CD300C: variants seen among roughly 807,000 people sequenced by gnomAD.
The protein encoded by CD300C is CMRF35-like molecule 6.
Under a neutral mutation model 18.4 loss-of-function variants are expected in CD300C, and 11 were observed. The observed-to-expected ratio is 0.60, with a 90% CI of 0.38 to 0.99. The LOEUF (loss-of-function observed/expected upper bound fraction) is 0.99, where lower values mean the gene tolerates loss of function less well. Among genes scored for constraint, CD300C ranks in the 50% least tolerant of loss-of-function variants. CD300C has a pLI of 0.01. For missense variants in CD300C, 277 were observed against 287.4 expected (o/e 0.96, Z 0.26); for synonymous variants, 116 against 116.3 (o/e 1.00, Z 0.02).
downstream of CD300C, among the ~76,000 whole-genome samples, chr17:74,536,532 C>CAAAAAAAAAAAAAAAAAA (rs376317178): frequency 9.2e-6 from 1 of 109,212 alleles, no homozygotes. Flanking sequence ...GACTCCGTCT[C>CAAAAAAAAAAAAAAAAAA]AAAAAAAAAA....
At chr17:74,534,689 G>A in the CD300C span, among the ~76,000 whole-genome samples, 3 of 152,124 alleles carry the variant, frequency 2.0e-5, no homozygotes, top group African/African-American at 7.2e-5. Flanking sequence ...GTAACAGATC[G>A]TCTTCTCTGC....
In CD300C at chr17:74,542,817, G is replaced by C. The variant is rs1908600242; in HGVS notation, c.527+44C>G. 7.6e-6 allele frequency: 12 copies of C among 1,575,216 alleles called. No individual in the cohort carries two copies. The East Asian group carries it at 2.7e-4, about 35-fold the overall frequency. ...AGTCCCCTAAACATCACACGCAGTG[G>C]GGAGGCCGCCAGCGTGGCCCAGTCC... is the stretch of plus-strand genomic sequence containing the variant. On this transcript the variant is annotated intron_variant, in intron 3 of 3. Transcript: ENST00000330793.
Position 74,541,743 on chromosome 17 carries a change from G to A in CD300C, c.528-7C>T. 2 of 1,611,632 alleles carry A rather than the reference G, an allele frequency of 1.2e-6. No individual in the cohort carries two copies. Among genetic ancestry groups the A allele is most frequent in the South Asian group, 1.1e-5 (1 of 90,852 alleles). On this transcript the variant is annotated splice_polypyrimidine_tract_variant and splice_region_variant and intron_variant, in intron 3 of 3. Coordinates refer to ENST00000330793, the MANE Select transcript of CD300C (RefSeq NM_006678.5). ...GACATTGCTGAACAGGGAGCTGTGG[G>A]GACACGGTGACAGGCAGTGAGTCAC...
In CD300C at chr17:74,544,627, C is replaced by T. The variant is rs1200903037; in HGVS notation, c.382G>A (p.Glu128Lys). The T allele has an allele frequency of 6.2e-7, 1 of 1,612,294 alleles. No individual in the cohort carries two copies. The highest frequency in any genetic ancestry group is 1.1e-5 in the South Asian group (1 of 91,020). ...RDFHDPIVEV[E>K]VSVFPAGTTT... The stretch of plus-strand genomic sequence containing the variant: ...GGCTCACCCGGGAACACGGACACCT[C>T]AACCTCGACAATGGGATCATGAAAG... Residue 128 changes from glutamate (E) to lysine (K), a missense_variant, in exon 2 of 4, where the codon GAG (glutamate) becomes AAG (lysine). Physicochemically the swap from Glu to Lys is moderately conservative, Grantham distance 56 (BLOSUM62 1). Coordinates refer to ENST00000330793, the MANE Select transcript of CD300C (RefSeq NM_006678.5).
chr17:74,536,770 A>T (rs1047555087), downstream of CD300C, among the ~76,000 whole-genome samples: 67 of 152,216 alleles, frequency 4.4e-4, no homozygotes, highest in African/African-American at 1.5e-3. Flanking sequence ...AGAAGCAAAA[A>T]TTGGTGCAGT....
At chr17:74,536,800 C>T (rs190404732), downstream of CD300C, among the ~76,000 whole-genome samples, 12 of 152,292 alleles carry the variant, frequency 7.9e-5, no homozygotes, top group East Asian at 1.2e-3. Context: ...AAATAATTTG[C>T]GCTTGCCTAG....
chr17:74,537,231 C>G (rs761088725), downstream of CD300C, among the ~76,000 whole-genome samples: 1 of 152,054 alleles, frequency 6.6e-6, no homozygotes, highest in Non-Finnish European at 1.5e-5. Context: ...AAAGAAACAA[C>G]CTAAATGCCT....
Position 74,546,006 on chromosome 17 carries a change from G to A in CD300C, c.-224C>T, listed in dbSNP as rs1908748491. On this transcript the variant is annotated 5_prime_UTR_variant, in exon 1 of 4. Coordinates refer to ENST00000330793, the MANE Select transcript of CD300C (RefSeq NM_006678.5). ...TGCTGACAGCTCTGGGATGGTGCTA[G>A]TGGCTCCTCTCAACCCTGACGTCTG... 2 of 539,000 alleles carry A rather than the reference G, an allele frequency of 3.7e-6. No homozygotes were observed. Among genetic ancestry groups the A allele is most frequent in the Non-Finnish European group, 6.7e-6 (2 of 297,722 alleles). The allele number at this position is 539,000 out of a possible 1,614,324, so 33.4% of individuals were successfully genotyped here.
chr17:74,541,947 G>A (rs1441667789), intron 3 of CD300C, among the ~76,000 whole-genome samples: 1 of 152,200 alleles, frequency 6.6e-6, no homozygotes, highest in Non-Finnish European at 1.5e-5. Flanking sequence ...AGGAAGGGCA[G>A]GACCATGAGA....
Position 74,541,402 on chromosome 17 carries a change from A to C in CD300C, c.*187T>G. On this transcript the variant is annotated 3_prime_UTR_variant, in exon 4 of 4. Coordinates refer to ENST00000330793, the MANE Select transcript of CD300C (RefSeq NM_006678.5). ...CACATGAGACGTGGACTCACAGCTC[A>C]GGGCGTCCATGTCCGTCAGGTTCAC... is the stretch of plus-strand genomic sequence containing the variant. 1.7e-6 allele frequency: 1 copy of C among 602,810 alleles called. No homozygotes were observed. The highest frequency in any genetic ancestry group is 3.0e-6 in the Non-Finnish European group (1 of 333,636). The allele number at this position is 602,810 out of a possible 1,614,324, so 37.3% of individuals were successfully genotyped here.
In CD300C at chr17:74,541,743, G is replaced by T; in HGVS notation, c.528-7C>A. ...GACATTGCTGAACAGGGAGCTGTGG[G>T]GACACGGTGACAGGCAGTGAGTCAC... On this transcript the variant is annotated splice_polypyrimidine_tract_variant and splice_region_variant and intron_variant, in intron 3 of 3. Coordinates refer to ENST00000330793, the MANE Select transcript of CD300C (RefSeq NM_006678.5). The T allele has an allele frequency of 6.2e-7, 1 of 1,611,632 alleles. No individual in the cohort carries two copies.
chr17:74,538,923 G>A (rs1235494490), downstream of CD300C, among the ~76,000 whole-genome samples: 1 of 152,236 alleles, frequency 6.6e-6, no homozygotes, highest in Admixed American at 6.5e-5. Context: ...CCAGGGAACA[G>A]ACATGTTGGA....
downstream of CD300C, among the ~76,000 whole-genome samples, chr17:74,540,600 C>T (rs111721319): frequency 0.016 from 2,414 of 152,260 alleles, 73 homozygotes; most frequent in African/African-American, 0.054. Context: ...GAATCATCTG[C>T]CTCACAGGGG....
chr17:74,545,075 C>G (rs1460540260), intron 1 of CD300C, 128 bp from the exon 2 acceptor site: 14 of 838,870 alleles, frequency 1.7e-5, no homozygotes, highest in Non-Finnish European at 1.8e-6. Context: ...CTTTGTCCAC[C>G]CAGGAACAGG....
In CD300C at chr17:74,545,746, C is replaced by T; in HGVS notation, c.37G>A (p.Ala13Thr). 6.2e-7 allele frequency: 1 copy of T among 1,609,524 alleles called. No homozygotes were observed. Among genetic ancestry groups the T allele is most frequent in the Non-Finnish European group, 8.5e-7 (1 of 1,178,330 alleles). The change falls in exon 1 of 4, where the codon GCT becomes ACT. Residue 13 changes from alanine (A) to threonine (T), a missense_variant. By Grantham distance (58) the Ala-to-Thr change is moderately conservative. Transcript: ENST00000330793. The part of the protein sequence containing the change: ...ARAWASWRSS[A>T]LLLLLVPGYF... Reference sequence around the variant, plus strand: ...CCTGGGACAAGCAGGAGGAGCAGAGCTGAAGACCGCCACGAGGCCCAGGCC... The same window carrying T: ...CCTGGGACAAGCAGGAGGAGCAGAGTTGAAGACCGCCACGAGGCCCAGGCC...
At position 74,545,710 on chromosome 17, in the gene CD300C, C is replaced by A; in HGVS notation, c.61+12G>T. On this transcript the variant is annotated intron_variant, in intron 1 of 3. Transcript: ENST00000330793. ...GGACAGAGCTCCCCAAGTCCAGGGT[C>A]GGCCCACTCACCTGGGACAAGCAGG... 6.2e-7 allele frequency: 1 copy of A among 1,601,114 alleles called. No individual in the cohort carries two copies. The highest frequency in any genetic ancestry group is 8.5e-7 in the Non-Finnish European group (1 of 1,173,042).
downstream of CD300C, among the ~76,000 whole-genome samples, chr17:74,539,458 C>T (rs148952094): frequency 7.7e-3 from 1,174 of 152,276 alleles, 22 homozygotes; most frequent in African/African-American, 0.026. Flanking sequence ...GTCTCCCCTT[C>T]TGCTCTTACT....
Position 74,541,614 on chromosome 17 carries a change from T to C in CD300C, c.650A>G (p.Asn217Ser), listed in dbSNP as rs1004872815. 6.2e-7 allele frequency: 1 copy of C among 1,613,918 alleles called. No individual in the cohort carries two copies. Among genetic ancestry groups the C allele is most frequent in the South Asian group, 1.1e-5 (1 of 91,072 alleles). ...RPQRSSRSRQ[N>S]WPKGENQ is the part of the protein sequence containing the mutation. ...CTACTGGTTCTCACCCTTGGGCCAA[T>C]TCTGCCTGCTTCTAGAGCTTCTCTG... The change falls in exon 4 of 4, where the codon AAT (asparagine) becomes AGT (serine). Residue 217 changes from asparagine (N) to serine (S), a missense_variant. Asn to Ser is a conservative substitution (Grantham distance 46). Transcript: ENST00000330793.
Position 74,544,838 on chromosome 17 carries a change from G to C in CD300C, c.171C>G (p.Cys57Trp). 1 of 1,614,262 alleles carries C rather than the reference G, an allele frequency of 6.2e-7. No individual in the cohort carries two copies. The highest frequency in any genetic ancestry group is 8.5e-7 in the Non-Finnish European group (1 of 1,180,038). ...KEHRTLNKFW[C>W]RPPQILRCDK... is the part of the protein sequence containing the mutation. ...CACATCGGAGAATCTGTGGTGGTCT[G>C]CACCAGAATTTGTTGAGGGTCCTGT... Residue 57 changes from cysteine to tryptophan, a missense_variant, in exon 2 of 4, where the codon TGC becomes TGG. Coordinates refer to ENST00000330793, the MANE Select transcript of CD300C (RefSeq NM_006678.5).
Sources: gnomAD v4.1 joint callset for allele counts (sites outside exome capture counted in the v4.1 genomes callset) on GRCh38, gnomAD v4.1.1 for gene constraint, MANE v1.5 for transcripts, NCBI Gene and HGNC (gene_info 2026-07-23, HGNC 2026-07-21) for gene names.